FBLN5: variants seen among roughly 807,000 people sequenced by gnomAD.
FBLN5 encodes the protein fibulin 5, also known as fibulin-5.
Under a neutral mutation model 61.6 loss-of-function variants are expected in FBLN5, and 24 were observed. The observed-to-expected ratio is 0.39, with a 90% confidence interval of 0.28 to 0.55. FBLN5 has a LOEUF of 0.55. Ranked by LOEUF, FBLN5 falls within the 20% of genes least tolerant of loss-of-function variation. The pLI, the probability that FBLN5 is intolerant of heterozygous loss-of-function variation, is 0.65. For missense variants in FBLN5, 470 were observed against 594.1 expected (o/e 0.79, Z 2.17); for synonymous variants, 213 against 219.8 (o/e 0.97, Z 0.27).
chr14:91,886,872 GT>G (rs1889750418), intron 7 of FBLN5, among the ~76,000 whole-genome samples: 1 of 152,144 alleles, frequency 6.6e-6, no homozygotes, highest in African/African-American at 2.4e-5. Context: ...TCGGTGCTGG[GT>G]GAGGACAGAC....
rs572665463 is a variant in FBLN5 at position 91,943,521 on chromosome 14, C to T, written c.18-560G>A. 3.3e-5 allele frequency among the ~76,000 whole-genome samples: 5 copies of T among 151,944 alleles called. No homozygotes were observed. Among genetic ancestry groups the T allele is most frequent in the African/African-American group, 9.7e-5 (4 of 41,410 alleles). ...GAGACCTTGTCCTCCCCCCACCCCC[C>T]AAAAAAGCTAAAACCTCCCACTATG... On this transcript the variant is annotated intron_variant, in intron 1 of 10. Coordinates refer to ENST00000342058, the MANE Select transcript of FBLN5 (RefSeq NM_006329.4). The surrounding 1 kb of genome is among the most constrained non-coding windows in gnomAD (Gnocchi z 4.0).
At chr14:91,890,592 T>C (rs1468575985) in intron 6 of FBLN5, among the ~76,000 whole-genome samples, 2 of 152,236 alleles carry the variant, frequency 1.3e-5, no homozygotes, top group East Asian at 3.8e-4. Context: ...GCATGCAACT[T>C]GTTTTTCTTA....
chr14:91,885,927 TTC>T (rs1328302770), intron 7 of FBLN5, among the ~76,000 whole-genome samples: 1 of 152,228 alleles, frequency 6.6e-6, no homozygotes, highest in Non-Finnish European at 1.5e-5. Flanking sequence ...GGTATTTTAT[TTC>T]TGTTTCTGGG....
At chr14:91,892,068 G>A (rs1890019654) in intron 5 of FBLN5, among the ~76,000 whole-genome samples, 1 of 152,234 alleles carries the variant, frequency 6.6e-6, no homozygotes, top group African/African-American at 2.4e-5. Context: ...CGGCGGCACT[G>A]TGGGTGAATG....
intron 4 of FBLN5, among the ~76,000 whole-genome samples, chr14:91,926,444 G>A (rs2055830264): frequency 6.6e-6 from 1 of 152,156 alleles, no homozygotes; most frequent in Non-Finnish European, 1.5e-5. Context: ...GCAGCCCAAC[G>A]GATAGGAGAA....
At chr14:91,914,637 T>G (rs933435237) in intron 4 of FBLN5, among the ~76,000 whole-genome samples, 3 of 145,196 alleles carry the variant, frequency 2.1e-5, no homozygotes, top group East Asian at 2.0e-4. Flanking sequence ...CTCGAAAAAA[T>G]AAAAAAAGAA....
chr14:91,913,572 T>G (rs953237076), intron 4 of FBLN5, among the ~76,000 whole-genome samples: 12 of 152,186 alleles, frequency 7.9e-5, no homozygotes, highest in Non-Finnish European at 5.9e-5. Context: ...ATATTTCCAG[T>G]GCCCATTTGT....
At position 91,944,017 on chromosome 14, in the gene FBLN5, G is replaced by A. The variant is rs575092988; in HGVS notation, c.18-1056C>T. Among the ~76,000 whole-genome samples, 143 of 152,178 alleles carry A rather than the reference G, an allele frequency of 9.4e-4. No homozygotes were observed. The South Asian group carries it at 0.014, about 15-fold the overall frequency. On this transcript the variant is annotated intron_variant, in intron 1 of 10. Transcript: ENST00000342058. ...CAGGCTTTAATCCAGTAAGATTGTG[G>A]CCAGCAAGATTGCTTTAAAAATACA...
chr14:91,909,919 C>T (rs1890848947), intron 4 of FBLN5, among the ~76,000 whole-genome samples: 1 of 152,312 alleles, frequency 6.6e-6, no homozygotes, highest in South Asian at 2.1e-4. Flanking sequence ...AAACTGAACA[C>T]TTGTGGGAAT....
In FBLN5 at chr14:91,869,746, A is replaced by G; in HGVS notation, c.*478T>C. On this transcript the variant is annotated 3_prime_UTR_variant, in exon 11 of 11. Transcript: ENST00000342058. Reference sequence around the variant, plus strand: ...TTCGATCCTGCTGTGGTTTGTTTACATAGCCTTCTCTGTGTACGCAAAAAG... The same window carrying G: ...TTCGATCCTGCTGTGGTTTGTTTACGTAGCCTTCTCTGTGTACGCAAAAAG... 4.8e-6 allele frequency: 1 copy of G among 206,504 alleles called. No individual in the cohort carries two copies. The highest frequency in any genetic ancestry group is 8.8e-5 in the South Asian group (1 of 11,410). The allele number at this position is 206,504 out of a possible 1,614,324, so 12.8% of individuals were successfully genotyped here.
chr14:91,927,903 G>T (rs1426468241), intron 4 of FBLN5, among the ~76,000 whole-genome samples: 1 of 152,254 alleles, frequency 6.6e-6, no homozygotes, highest in African/African-American at 2.4e-5. Context: ...AGGAACATAA[G>T]ATGAGAGCCA....
Position 91,895,110 on chromosome 14 carries a change from T to A in FBLN5, c.380-38A>T, listed in dbSNP as rs1385338268. On this transcript the variant is annotated intron_variant, in intron 4 of 10. Transcript: ENST00000342058. ...CATAGTCCAAAGAATGTCACTCACA[T>A]CCATCTAGAGCCCTGGAGCCACCAG... The A allele has an allele frequency of 4.3e-6, 7 of 1,612,782 alleles. No individual in the cohort carries two copies. The South Asian group carries it at 5.5e-5, about 13-fold the overall frequency.
At chr14:91,925,014 T>C (rs547848427) in intron 4 of FBLN5, among the ~76,000 whole-genome samples, 4 of 152,348 alleles carry the variant, frequency 2.6e-5, no homozygotes, top group African/African-American at 9.6e-5. Context: ...CCTCCTCCCA[T>C]GGAAACTGTT....
At chr14:91,914,477 C>CAAAA (rs57302887) in intron 4 of FBLN5, among the ~76,000 whole-genome samples, 6 of 58,610 alleles carry the variant, frequency 1.0e-4, no homozygotes, top group Non-Finnish European at 1.8e-4. Context: ...GACTCTGTCT[C>CAAAA]AAAAAAAAAA....
chr14:91,887,373 G>A, intron 6 of FBLN5, 61 bp from the exon 7 acceptor site: 4 of 1,575,262 alleles, frequency 2.5e-6, no homozygotes, highest in African/African-American at 1.3e-5. Context: ...CAATAACTAG[G>A]CAGAAAAAGC....
At position 91,940,550 on chromosome 14, in the gene FBLN5, C is replaced by T. The variant is rs1324316170; in HGVS notation, c.124+15G>A. The T allele has an allele frequency of 6.2e-7, 1 of 1,610,456 alleles. No homozygotes were observed. The highest frequency in any genetic ancestry group is 1.7e-5 in the Admixed American group (1 of 60,006). The stretch of plus-strand genomic sequence containing the variant: ...AATGCCTCCACCCCAATGAAGGATC[C>T]ACAGTGGCTCATACCTAAACACTGT... On this transcript the variant is annotated intron_variant, in intron 3 of 10. Coordinates refer to ENST00000342058, the MANE Select transcript of FBLN5 (RefSeq NM_006329.4).
chr14:91,928,157 G>A (rs1454975916), intron 4 of FBLN5, among the ~76,000 whole-genome samples: 1 of 152,260 alleles, frequency 6.6e-6, no homozygotes, highest in African/African-American at 2.4e-5. Context: ...CAGCAGGCAT[G>A]TGTGCTGTTA....
chr14:91,937,135 C>A lies in FBLN5; in HGVS notation c.191G>T (p.Gly64Val). The change falls in exon 4 of 11, where the codon GGC becomes GTC. Residue 64 changes from glycine to valine, a missense_variant. Gly to Val is a moderately radical substitution (Grantham distance 109, BLOSUM62 -3). Coordinates refer to ENST00000342058, the MANE Select transcript of FBLN5 (RefSeq NM_006329.4). ...RGDMMCVNQN[G>V]GYLCIPRTNP... is the part of the protein sequence containing the mutation. The stretch of plus-strand genomic sequence containing the variant: ...TGTCCGGGGAATGCATAAATACCCG[C>A]CATTTTGGTTAACACACATCATGTC... The A allele has an allele frequency of 6.2e-7, 1 of 1,614,098 alleles. No individual in the cohort carries two copies. Among genetic ancestry groups the A allele is most frequent in the Non-Finnish European group, 8.5e-7 (1 of 1,180,016 alleles).
At chr14:91,942,285 G>A in intron 2 of FBLN5, 1 of 416,676 alleles carries the variant, frequency 2.4e-6, no homozygotes. Context: ...TTTCAGCCCA[G>A]GGATGGGCCC....
Sources: allele counts gnomAD v4.1 joint callset (sites outside exome capture counted in the v4.1 genomes callset), GRCh38; gene constraint gnomAD v4.1.1; non-coding constraint Gnocchi (gnomAD v3.1); transcripts MANE v1.5; gene names NCBI Gene and HGNC (gene_info 2026-07-23, HGNC 2026-07-21).